Variants in MCUB observed in about 807,000 individuals in gnomAD.
MCUB encodes the protein mitochondrial calcium uniporter dominant negative subunit beta.
In MCUB, 46 loss-of-function variants were observed where a neutral mutation model predicts 41.4. The ratio of observed to expected loss-of-function variants is 1.11; its 90% confidence interval spans 0.88 to 1.42. MCUB has a LOEUF of 1.42. MCUB is among the 40% of genes most tolerant of loss of function. MCUB has a pLI of 0.00. For synonymous variants in MCUB, 148 were observed against 148.2 expected (o/e 1.00, Z 0.01); for missense variants, 403 against 404.9 (o/e 1.00, Z 0.04).
Position 109,591,310 on chromosome 4 carries a change from C to T in MCUB, c.99+30874C>T, listed in dbSNP as rs952168664. 3.9e-5 allele frequency among the ~76,000 whole-genome samples: 6 copies of T among 152,184 alleles called. No individual in the cohort carries two copies. The South Asian group carries it at 6.2e-4, about 16-fold the overall frequency. On this transcript the variant is annotated intron_variant, in intron 1 of 7. Transcript: ENST00000394650. ...AAGTGATTCTCATGACTCAGCCTCC[C>T]GAGTAGCTGGGACTACAGGTGTGCG...
chr4:109,660,421 TTTTG>T, intron 3 of MCUB, 56 bp downstream of exon 3: 3 of 934,122 alleles, frequency 3.2e-6, no homozygotes. Flanking sequence ...TCTCCTGAAC[TTTTG>T]TTTGGTTCTT....
intron 1 of MCUB, among the ~76,000 whole-genome samples, chr4:109,653,301 C>G (rs1295654200): frequency 6.6e-6 from 1 of 151,866 alleles, no homozygotes; most frequent in Non-Finnish European, 1.5e-5. Flanking sequence ...ATCACTTGAA[C>G]CTGGGAAGTG....
At chr4:109,601,504 T>C (rs1727741279) in intron 1 of MCUB, among the ~76,000 whole-genome samples, 1 of 152,228 alleles carries the variant, frequency 6.6e-6, no homozygotes, top group South Asian at 2.1e-4. Context: ...AGTTTGTCTG[T>C]CTGTGCCTGG....
At chr4:109,597,922 G>C (rs1259248281) in intron 1 of MCUB, among the ~76,000 whole-genome samples, 1 of 150,532 alleles carries the variant, frequency 6.6e-6, no homozygotes, top group Non-Finnish European at 1.5e-5. Context: ...AGACGGGGTC[G>C]CGGCCGGGCA....
At chr4:109,584,032 T>C (rs553504062) in intron 1 of MCUB, among the ~76,000 whole-genome samples, 1 of 152,322 alleles carries the variant, frequency 6.6e-6, no homozygotes, top group Non-Finnish European at 1.5e-5. Flanking sequence ...TGGTACCAGC[T>C]CTTCTTTGTA....
intron 4 of MCUB, among the ~76,000 whole-genome samples, chr4:109,681,791 T>C (rs187043913): frequency 1.7e-3 from 265 of 152,290 alleles, no homozygotes; most frequent in African/African-American, 6.2e-3. Flanking sequence ...GCAGCGAGTC[T>C]GCTACGGCGG....
chr4:109,653,469 CT>C (rs927138384), intron 1 of MCUB, among the ~76,000 whole-genome samples: 51 of 151,886 alleles, frequency 3.4e-4, no homozygotes, highest in African/African-American at 1.2e-3. Context: ...GAATTAGTTG[CT>C]TTTTGTATTC....
chr4:109,664,316 T>C lies in MCUB; in HGVS notation c.373T>C (p.Leu125=). Residue 125 remains leucine, a synonymous_variant, in exon 4 of 8, where the codon TTG becomes CTG. Transcript: ENST00000394650. ...TGGCAACATGATTTCAGCTTCTACCTTGATGGATATTTTGCTAATGAATGA... is the reference window on the plus strand; with the variant it reads ...TGGCAACATGATTTCAGCTTCTACCCTGATGGATATTTTGCTAATGAATGA... The part of the protein sequence containing the change: ...ADGNMISAST[L]MDILLMNDFK... 5 of 1,569,380 alleles carry C rather than the reference T, an allele frequency of 3.2e-6. No individual in the cohort carries two copies. Among genetic ancestry groups the C allele is most frequent in the Non-Finnish European group, 4.4e-6 (5 of 1,139,452 alleles).
Position 109,578,768 on chromosome 4 carries a change from A to G in MCUB, c.99+18332A>G, listed in dbSNP as rs1166337632. 2.0e-5 allele frequency among the ~76,000 whole-genome samples: 3 copies of G among 152,104 alleles called. No individual in the cohort carries two copies. In the East Asian group the frequency reaches 5.8e-4, roughly 29 times the overall value. On this transcript the variant is annotated intron_variant, in intron 1 of 7. Transcript: ENST00000394650. Reference sequence around the variant, plus strand: ...TGCTTCTCCTGCCTCGGCCTCCCAAAGAATCTCATGCTTTCAAAAAATGAC... The same window carrying G: ...TGCTTCTCCTGCCTCGGCCTCCCAAGGAATCTCATGCTTTCAAAAAATGAC...
At chr4:109,573,579 A>C (rs1207920949) in intron 1 of MCUB, among the ~76,000 whole-genome samples, 1 of 152,210 alleles carries the variant, frequency 6.6e-6, no homozygotes, top group Non-Finnish European at 1.5e-5. Flanking sequence ...GTAGTTGTGT[A>C]CAAAGGATCT....
At chr4:109,590,989 A>G (rs942637487) in intron 1 of MCUB, among the ~76,000 whole-genome samples, 2 of 152,054 alleles carry the variant, frequency 1.3e-5, no homozygotes, top group Non-Finnish European at 1.5e-5. Context: ...TAGTAATTCA[A>G]TCTCAAAATC....
At chr4:109,623,510 A>G (rs1465531702) in intron 1 of MCUB, among the ~76,000 whole-genome samples, 1 of 152,244 alleles carries the variant, frequency 6.6e-6, no homozygotes, top group African/African-American at 2.4e-5. Context: ...GAAGAGCTGT[A>G]CACGATAATT....
intron 1 of MCUB, among the ~76,000 whole-genome samples, chr4:109,584,736 G>A (rs1727264560): frequency 6.6e-6 from 1 of 152,182 alleles, no homozygotes; most frequent in Non-Finnish European, 1.5e-5. Flanking sequence ...GGAGCACGTT[G>A]TTCAGTTTCC....
rs556384473 is a variant in MCUB at position 109,684,358 on chromosome 4, G to A, written c.613-85G>A. 22 of 1,139,930 alleles carry A rather than the reference G, an allele frequency of 1.9e-5. 1 individual carries two copies. Among genetic ancestry groups the A allele is most frequent in the African/African-American group, 6.3e-5 (4 of 63,722 alleles). 70.6% of individuals were successfully genotyped at this position (1,139,930 alleles called of 1,614,324 possible). A position where few individuals can be genotyped will look rare whatever the true frequency, so the allele number is the denominator to read the frequency against. ...ATTACAGGCGTGAGCCACCGCGCCC[G>A]GCAAGAGTTCCTTTTCATCTTGCTT... is the stretch of plus-strand genomic sequence containing the variant. On this transcript the variant is annotated intron_variant, in intron 5 of 7. Coordinates refer to ENST00000394650, the MANE Select transcript of MCUB (RefSeq NM_017918.5).
At chr4:109,598,405 C>T (rs979974067) in intron 1 of MCUB, among the ~76,000 whole-genome samples, 7 of 152,160 alleles carry the variant, frequency 4.6e-5, no homozygotes, top group African/African-American at 1.7e-4. Flanking sequence ...CCGGCCAGGC[C>T]AACACAGCGA....
At chr4:109,651,614 TTTATA>T (rs1307216538) in intron 1 of MCUB, among the ~76,000 whole-genome samples, 2 of 152,216 alleles carry the variant, frequency 1.3e-5, no homozygotes, top group Admixed American at 6.5e-5. Context: ...TTTTAAAAAT[TTTATA>T]TTTAATTTCA....
intron 1 of MCUB, among the ~76,000 whole-genome samples, chr4:109,655,921 CTG>C (rs1161819346): frequency 2.0e-5 from 3 of 152,122 alleles, no homozygotes; most frequent in Admixed American, 6.5e-5. Context: ...GTCTGGGAAT[CTG>C]TGTTTTTAAG....
At position 109,687,665 on chromosome 4, in the gene MCUB, A is replaced by G. The variant is rs924278279; in HGVS notation, c.*73A>G. Reference sequence around the variant, plus strand: ...GCAACTTAGGATGTTTTTGAGTCCCATGGTTCATTTTGATTGTTTAATCTT... The same window carrying G: ...GCAACTTAGGATGTTTTTGAGTCCCGTGGTTCATTTTGATTGTTTAATCTT... On this transcript the variant is annotated 3_prime_UTR_variant, in exon 8 of 8. Coordinates refer to ENST00000394650, the MANE Select transcript of MCUB (RefSeq NM_017918.5). 1.1e-6 allele frequency: 1 copy of G among 883,128 alleles called. No individual in the cohort carries two copies. The highest frequency in any genetic ancestry group is 1.9e-6 in the Non-Finnish European group (1 of 534,634). The allele number at this position is 883,128 out of a possible 1,614,324, so 54.7% of individuals were successfully genotyped here.
At chr4:109,684,390 CCTT>C in intron 5 of MCUB, 50 bp from the exon 6 acceptor site, 1 of 1,418,570 alleles carries the variant, frequency 7.0e-7, no homozygotes, top group Non-Finnish European at 9.6e-7. Flanking sequence ...GCTTTTTGTC[CCTT>C]TAGTTGGTGT....
Sources: allele counts gnomAD v4.1 joint callset (sites outside exome capture counted in the v4.1 genomes callset), GRCh38; gene constraint gnomAD v4.1.1; transcripts MANE v1.5; gene names NCBI Gene and HGNC (gene_info 2026-07-23, HGNC 2026-07-21).